The following SPOCK1 variants were observed in gnomAD, a reference collection of about 807,000 sequenced individuals.
The protein encoded by SPOCK1 is testican-1.
SPOCK1 carries 23 observed loss-of-function variants against 55.3 expected under a neutral mutation model. That is an observed-to-expected ratio of 0.42 (90% CI 0.30 to 0.59). The LOEUF (loss-of-function observed/expected upper bound fraction) is 0.59. Ranked by LOEUF, SPOCK1 falls within the 20% of genes least tolerant of loss-of-function variation. The pLI is 0.22. For missense variants in SPOCK1, 499 were observed against 552.5 expected, an observed-to-expected ratio of 0.90 and a Z score of 0.97; for synonymous variants, 226 against 221.0, an observed-to-expected ratio of 1.02 and a Z score of -0.20.
chr5:137,186,070 C>T (rs1336268919), intron 3 of SPOCK1, among the ~76,000 whole-genome samples: 1 of 152,208 alleles, frequency 6.6e-6, no homozygotes, highest in African/African-American at 2.4e-5. Flanking sequence ...CCTGTCCTCA[C>T]AAGCACAAAG....
intron 3 of SPOCK1, among the ~76,000 whole-genome samples, chr5:137,151,077 A>C (rs1189897524): frequency 4.6e-5 from 7 of 152,232 alleles, no homozygotes; most frequent in Non-Finnish European, 1.0e-4. Context: ...GGAGAATGCA[A>C]ATCTATATTG....
intron 3 of SPOCK1, among the ~76,000 whole-genome samples, chr5:137,151,465 G>A (rs1230150251): frequency 6.6e-6 from 1 of 152,208 alleles, no homozygotes; most frequent in African/African-American, 2.4e-5. Flanking sequence ...TGGTAGAAAA[G>A]TTTGAGCAGT....
intron 2 of SPOCK1, among the ~76,000 whole-genome samples, chr5:137,485,132 T>C (rs2149843509): frequency 6.6e-6 from 1 of 152,316 alleles, no homozygotes; most frequent in East Asian, 1.9e-4. Context: ...TTTTAAAAAT[T>C]ATCTATTTCT....
chr5:137,405,886 A>G (rs1041550917), intron 2 of SPOCK1, among the ~76,000 whole-genome samples: 1 of 152,136 alleles, frequency 6.6e-6, no homozygotes, highest in Middle Eastern at 3.2e-3. Context: ...ACCATCCCAC[A>G]GGCTTCCTGC....
intron 3 of SPOCK1, among the ~76,000 whole-genome samples, chr5:137,164,109 T>A (rs11750026): frequency 6.6e-6 from 1 of 152,142 alleles, no homozygotes; most frequent in Non-Finnish European, 1.5e-5. Flanking sequence ...TGCTGCCCCA[T>A]AAATTCTCTC....
At chr5:137,086,779 G>A (rs1752969171) in intron 5 of SPOCK1, among the ~76,000 whole-genome samples, 1 of 152,176 alleles carries the variant, frequency 6.6e-6, no homozygotes, top group Non-Finnish European at 1.5e-5. Flanking sequence ...TAATGGGCAT[G>A]TTTCGAGTTA....
intron 5 of SPOCK1, among the ~76,000 whole-genome samples, chr5:137,084,954 C>CAA (rs10568473): frequency 0.16 from 18,368 of 113,816 alleles, 1,908 homozygotes; most frequent in East Asian, 0.24. Flanking sequence ...TTATACAAAG[C>CAA]AAAAAAAAAA....
intron 7 of SPOCK1, among the ~76,000 whole-genome samples, chr5:136,990,343 A>C (rs1462317019): frequency 6.6e-6 from 1 of 151,990 alleles, no homozygotes; most frequent in Admixed American, 6.6e-5. Context: ...ATGCTTGTTA[A>C]TCAAACTATA....
Position 136,985,147 on chromosome 5 carries a change from G to GCTTTTCC in SPOCK1, c.977_983dup (p.Ser328ArgfsTer13). The GCTTTTCC allele has an allele frequency of 6.2e-7, 1 of 1,614,088 alleles. No homozygotes were observed. Among genetic ancestry groups the GCTTTTCC allele is most frequent in the Non-Finnish European group, 8.5e-7 (1 of 1,179,948 alleles). On this transcript the variant is annotated frameshift_variant, in exon 9 of 11. Transcript: ENST00000394945. LOFTEE classifies it high-confidence loss of function. ...GCAAGAAATTGTACTTACCCAACAG[G>GCTTTTCC]CTTTTCCCCTTACTCAGCTTCTGAA... is the stretch of plus-strand genomic sequence containing the variant.
chr5:137,123,785 C>A (rs1561617883), intron 4 of SPOCK1, among the ~76,000 whole-genome samples: 2 of 152,098 alleles, frequency 1.3e-5, no homozygotes, highest in Admixed American at 1.3e-4. Flanking sequence ...ATTTATTTAA[C>A]CTTGTCATCA....
chr5:137,362,164 T>C (rs558321729), intron 2 of SPOCK1, among the ~76,000 whole-genome samples: 2 of 152,208 alleles, frequency 1.3e-5, no homozygotes, highest in East Asian at 3.9e-4. Context: ...TCATCAAGCA[T>C]TGAGAAGTTC....
intron 2 of SPOCK1, among the ~76,000 whole-genome samples, chr5:137,384,140 T>C (rs777986633): frequency 6.6e-6 from 1 of 152,228 alleles, no homozygotes; most frequent in Admixed American, 6.5e-5. Flanking sequence ...CATGGACATA[T>C]GACCCAGCAA....
chr5:137,385,598 C>A (rs1027569039), intron 2 of SPOCK1, among the ~76,000 whole-genome samples: 7 of 152,302 alleles, frequency 4.6e-5, no homozygotes, highest in African/African-American at 1.7e-4. Context: ...AGCCACTCCT[C>A]CTCACAGTCC....
chr5:137,157,650 A>G (rs560314007), intron 3 of SPOCK1, among the ~76,000 whole-genome samples: 30 of 152,316 alleles, frequency 2.0e-4, no homozygotes, highest in African/African-American at 6.7e-4. Flanking sequence ...TCTGTTAATC[A>G]CTTGGTCCCA....
chr5:137,040,922 G>A (rs1446309437), intron 6 of SPOCK1, among the ~76,000 whole-genome samples: 2 of 152,150 alleles, frequency 1.3e-5, no homozygotes, highest in Non-Finnish European at 2.9e-5. Context: ...ATAAAGGAGG[G>A]CCTACTGTGT....
chr5:137,387,627 A>T (rs891979238), intron 2 of SPOCK1, among the ~76,000 whole-genome samples: 2 of 152,244 alleles, frequency 1.3e-5, no homozygotes, highest in African/African-American at 4.8e-5. Flanking sequence ...TGATGTATAC[A>T]TGTCAGTATG....
chr5:137,339,739 A>G (rs138856059), intron 2 of SPOCK1, among the ~76,000 whole-genome samples: 556 of 152,278 alleles, frequency 3.7e-3, no homozygotes, highest in Non-Finnish European at 4.7e-3. Context: ...GGGAGCAAGC[A>G]GAGACACCCA....
chr5:136,990,939 C>T (rs1750937900), intron 7 of SPOCK1, among the ~76,000 whole-genome samples: 1 of 152,092 alleles, frequency 6.6e-6, no homozygotes, highest in Admixed American at 6.6e-5. Flanking sequence ...TAGTTGGCCC[C>T]AAGAGTGCAG....
chr5:137,332,929 G>T (rs1369822123), intron 2 of SPOCK1, among the ~76,000 whole-genome samples: 1 of 152,090 alleles, frequency 6.6e-6, no homozygotes, highest in Non-Finnish European at 1.5e-5. Flanking sequence ...GAGAGATGAG[G>T]TTACCCAGGG....
Sources: allele counts gnomAD v4.1 joint callset (sites outside exome capture counted in the v4.1 genomes callset), GRCh38; gene constraint gnomAD v4.1.1; transcripts MANE v1.5; gene names NCBI Gene and HGNC (gene_info 2026-07-23, HGNC 2026-07-21).